HS3ST2: variants seen among roughly 807,000 people sequenced by gnomAD.
The protein encoded by HS3ST2 is heparan sulfate glucosamine 3-O-sulfotransferase 2.
In HS3ST2, 17 loss-of-function variants were observed where a neutral mutation model predicts 26.3. The observed-to-expected ratio is 0.65, with a 90% confidence interval of 0.44 to 0.97. The LOEUF (loss-of-function observed/expected upper bound fraction) is 0.97, where lower values mean the gene tolerates loss of function less well. Among genes scored for constraint, HS3ST2 ranks in the 50% least tolerant of loss-of-function variants. The probability of loss-of-function intolerance (pLI) is 0.00; values close to 1 mark genes in which losing one functional copy is unlikely to be tolerated. For missense variants in HS3ST2, 402 were observed against 501.2 expected (o/e 0.80, Z 1.89); for synonymous variants, 237 against 219.2 (o/e 1.08, Z -0.72).
At chr16:22,894,435 C>A (rs1006957265) in intron 1 of HS3ST2, among the ~76,000 whole-genome samples, 1 of 152,146 alleles carries the variant, frequency 6.6e-6, no homozygotes, top group Non-Finnish European at 1.5e-5. Context: ...ATTGATTGTG[C>A]CTTTTCCCAA....
intron 1 of HS3ST2, among the ~76,000 whole-genome samples, chr16:22,888,373 C>CTTTTTTTTTTTTCTTTTTTTTCT (rs1902088888): frequency 3.3e-5 from 2 of 61,308 alleles, no homozygotes; most frequent in South Asian, 5.2e-4. Context: ...TCTGGCTTTT[C>CTTTTTTTTTTTTCTTTTTTTTCT]TTTTTTTTTT....
intron 1 of HS3ST2, among the ~76,000 whole-genome samples, chr16:22,846,577 C>CA (rs1217209824): frequency 6.6e-6 from 1 of 152,082 alleles, no homozygotes; most frequent in Non-Finnish European, 1.5e-5. Context: ...AAATTACCAC[C>CA]ATTTGAGTTG....
intron 1 of HS3ST2, among the ~76,000 whole-genome samples, chr16:22,904,815 A>C (rs1231733638): frequency 2.0e-5 from 3 of 152,146 alleles, no homozygotes; most frequent in Non-Finnish European, 4.4e-5. Context: ...GTATGAGCTG[A>C]GACTTAGTGG....
intron 1 of HS3ST2, among the ~76,000 whole-genome samples, chr16:22,908,698 C>A (rs908050109): frequency 6.6e-6 from 1 of 152,178 alleles, no homozygotes; most frequent in Non-Finnish European, 1.5e-5. Context: ...TTCATTAACA[C>A]ATTAATCCTT....
intron 1 of HS3ST2, among the ~76,000 whole-genome samples, chr16:22,869,182 C>G (rs1901797955): frequency 1.3e-5 from 2 of 152,128 alleles, no homozygotes; most frequent in African/African-American, 4.8e-5. Flanking sequence ...GATCCTGACT[C>G]TCTTCCTGAT....
intron 1 of HS3ST2, among the ~76,000 whole-genome samples, chr16:22,884,394 C>G (rs1013788847): frequency 2.0e-5 from 3 of 152,124 alleles, no homozygotes; most frequent in Non-Finnish European, 4.4e-5. Flanking sequence ...CCAAATTGAG[C>G]TCCTGCCGAG....
At chr16:22,906,024 G>A (rs1383248579) in intron 1 of HS3ST2, among the ~76,000 whole-genome samples, 1 of 152,134 alleles carries the variant, frequency 6.6e-6, no homozygotes, top group Non-Finnish European at 1.5e-5. Flanking sequence ...GGTGCAGTCT[G>A]CCACAGTGGT....
chr16:22,910,115 G>T (rs867050225), intron 1 of HS3ST2, among the ~76,000 whole-genome samples: 3 of 152,006 alleles, frequency 2.0e-5, no homozygotes, highest in African/African-American at 7.3e-5. Context: ...GTGCACAGAT[G>T]GGGGAATAAT....
chr16:22,860,101 C>T (rs560868239), intron 1 of HS3ST2, among the ~76,000 whole-genome samples: 5 of 152,312 alleles, frequency 3.3e-5, no homozygotes, highest in African/African-American at 9.6e-5. Context: ...TTGCCCTCTT[C>T]CCTTGTATTA....
chr16:22,839,564 T>A (rs1191414899), intron 1 of HS3ST2, among the ~76,000 whole-genome samples: 1 of 152,180 alleles, frequency 6.6e-6, no homozygotes, highest in Non-Finnish European at 1.5e-5. Context: ...TTTTCTTTCC[T>A]GGGTAGCAGT....
At chr16:22,865,601 G>A (rs189990723) in intron 1 of HS3ST2, among the ~76,000 whole-genome samples, 1 of 152,108 alleles carries the variant, frequency 6.6e-6, no homozygotes, top group East Asian at 1.9e-4. Context: ...TTTTATATAT[G>A]AGTTCATCAA....
At chr16:22,816,239 G>A (rs1567477475) in intron 1 of HS3ST2, among the ~76,000 whole-genome samples, 1 of 152,228 alleles carries the variant, frequency 6.6e-6, no homozygotes, top group Non-Finnish European at 1.5e-5. Context: ...CATCTGCATA[G>A]TAATGACGTT....
chr16:22,844,033 ACACG>A (rs1331179966), intron 1 of HS3ST2, among the ~76,000 whole-genome samples: 137 of 148,708 alleles, frequency 9.2e-4, no homozygotes, highest in Middle Eastern at 3.4e-3. Context: ...ACACACACAC[ACACG>A]CACACACACA....
chr16:22,852,413 G>C (rs1901530397), intron 1 of HS3ST2, among the ~76,000 whole-genome samples: 1 of 152,312 alleles, frequency 6.6e-6, no homozygotes, highest in East Asian at 1.9e-4. Flanking sequence ...CTCAGTAAAT[G>C]GTTCCTTCTG....
At chr16:22,836,910 A>C (rs1249243679) in intron 1 of HS3ST2, among the ~76,000 whole-genome samples, 1 of 152,104 alleles carries the variant, frequency 6.6e-6, no homozygotes, top group East Asian at 1.9e-4. Context: ...CACCCACCTC[A>C]GCCTCCCAAA....
chr16:22,901,413 A>T (rs1185902062), intron 1 of HS3ST2, among the ~76,000 whole-genome samples: 7 of 151,632 alleles, frequency 4.6e-5, no homozygotes, highest in Non-Finnish European at 2.9e-5. Flanking sequence ...TACTCTTAGC[A>T]CCCCCTCCCT....
At chr16:22,885,580 C>T (rs149480902) in intron 1 of HS3ST2, among the ~76,000 whole-genome samples, 2,371 of 151,990 alleles carry the variant, frequency 0.016, 57 homozygotes, top group African/African-American at 0.054. Flanking sequence ...CTCAGCCTCC[C>T]GAGTAGCTGG....
At chr16:22,883,537 G>T (rs1168711640) in intron 1 of HS3ST2, among the ~76,000 whole-genome samples, 1 of 152,216 alleles carries the variant, frequency 6.6e-6, no homozygotes, top group Non-Finnish European at 1.5e-5. Context: ...AAAAAATAAA[G>T]TGAGCTCTTT....
At chr16:22,866,408 T>TC (rs1901753610) in intron 1 of HS3ST2, among the ~76,000 whole-genome samples, 6 of 116,176 alleles carry the variant, frequency 5.2e-5, no homozygotes, top group African/African-American at 1.9e-4. Flanking sequence ...GTGTGTGTGT[T>TC]GGGGCAGAGG....
Sources: allele counts gnomAD v4.1 joint callset (sites outside exome capture counted in the v4.1 genomes callset), GRCh38; gene constraint gnomAD v4.1.1; transcripts MANE v1.5; gene names NCBI Gene and HGNC (gene_info 2026-07-23, HGNC 2026-07-21).